Variants in MGAT5 observed in about 807,000 individuals in gnomAD.
MGAT5 encodes alpha-1,6-mannosylglycoprotein 6-beta-N-acetylglucosaminyltransferase.
MGAT5 carries 30 observed loss-of-function variants against 94.3 expected under a neutral mutation model. That is an observed-to-expected ratio of 0.32 (90% CI 0.24 to 0.43). The LOEUF is 0.43. Ranked by LOEUF, MGAT5 falls within the 20% of genes least tolerant of loss-of-function variation. MGAT5 has a pLI of 1.00. For synonymous variants in MGAT5, 310 were observed against 322.9 expected, an observed-to-expected ratio of 0.96 and a Z score of 0.43; for missense variants, 691 against 905.5, an observed-to-expected ratio of 0.76 and a Z score of 3.04.
intron 1 of MGAT5, among the ~76,000 whole-genome samples, chr2:134,148,090 A>G (rs1220469472): frequency 6.6e-6 from 1 of 152,242 alleles, no homozygotes; most frequent in Admixed American, 6.5e-5. Context: ...AAATATTGTG[A>G]TAACTAAATC....
At chr2:134,308,110 A>G (rs1686437814) in intron 2 of MGAT5, among the ~76,000 whole-genome samples, 2 of 152,196 alleles carry the variant, frequency 1.3e-5, no homozygotes, top group Admixed American at 6.5e-5. Context: ...GTGAGGCTCA[A>G]TCGAGTAATC....
intron 1 of MGAT5, among the ~76,000 whole-genome samples, chr2:134,200,016 G>C (rs1679702020): frequency 6.6e-6 from 1 of 152,120 alleles, no homozygotes; most frequent in African/African-American, 2.4e-5. Context: ...GTAAACACCT[G>C]AGAATTTTTC....
intron 1 of MGAT5, among the ~76,000 whole-genome samples, chr2:134,262,971 C>G (rs1683433427): frequency 6.6e-6 from 1 of 152,212 alleles, no homozygotes; most frequent in Non-Finnish European, 1.5e-5. Flanking sequence ...TCAAAAGATA[C>G]AGTTTTCTTC....
rs140738149 is a variant in MGAT5 at position 134,428,960 on chromosome 2, A to G, written c.1869+521A>G. ...GGTGCCAAGAGTTCCACCTTCCCCAACAAGGTTTGGAAACTGCAGCATGTG... is the reference window on the plus strand; with the variant it reads ...GGTGCCAAGAGTTCCACCTTCCCCAGCAAGGTTTGGAAACTGCAGCATGTG... On this transcript the variant is annotated intron_variant, in intron 14 of 15. Transcript: ENST00000281923. Among the ~76,000 whole-genome samples, 316 of 152,250 alleles carry G rather than the reference A, an allele frequency of 2.1e-3. 2 individuals are homozygous for G. The Middle Eastern group carries it at 0.027, about 13-fold the overall frequency.
intron 1 of MGAT5, among the ~76,000 whole-genome samples, chr2:134,204,811 G>A (rs1679953830): frequency 6.6e-6 from 1 of 152,166 alleles, no homozygotes; most frequent in African/African-American, 2.4e-5. Context: ...TGAGCATATA[G>A]TTTGCTGGAG....
intron 12 of MGAT5, among the ~76,000 whole-genome samples, chr2:134,419,442 T>TGTGTGTGTGTG (rs778375692): frequency 1.5e-5 from 2 of 134,136 alleles, no homozygotes; most frequent in African/African-American, 2.8e-5. Flanking sequence ...GCTTCAGGGT[T>TGTGTGTGTGTG]TGTGTGTGTG....
chr2:134,297,016 C>G (rs1404618610), intron 2 of MGAT5, among the ~76,000 whole-genome samples: 1 of 151,676 alleles, frequency 6.6e-6, no homozygotes, highest in Non-Finnish European at 1.5e-5. Flanking sequence ...CTGGGCAACA[C>G]AGTGAGACCC....
rs866260745 is a variant in MGAT5, at chr2:134,209,141, A to T, written c.-142-45121A>T. On this transcript the variant is annotated intron_variant, in intron 1 of 16. Coordinates refer to the MGAT5 transcript ENST00000409645. ...GAGGGATTGTATATAGAACTGGCTT[A>T]TTTTTTTTTTATTTTTTTTTTTTTT... Among the ~76,000 whole-genome samples the T allele has an allele frequency of 0.015, 248 of 16,004 alleles. 18 individuals are homozygous for T. The East Asian group carries it at 0.35, about 22-fold the overall frequency. The allele number at this position is 16,004 out of a possible 152,430, so 10.5% of individuals were successfully genotyped here.
At chr2:134,431,408 T>C (rs983719991) in intron 14 of MGAT5, among the ~76,000 whole-genome samples, 1 of 152,178 alleles carries the variant, frequency 6.6e-6, no homozygotes, top group Non-Finnish European at 1.5e-5. Flanking sequence ...GAGATTCTAT[T>C]GAACCCAGAA....
Position 134,275,677 on chromosome 2 carries a change from A to G in MGAT5, c.406+5127A>G, listed in dbSNP as rs926185737. Among the ~76,000 whole-genome samples, 11 of 138,234 alleles carry G rather than the reference A, an allele frequency of 8.0e-5. No individual in the cohort carries two copies. In the Admixed American group the frequency reaches 9.1e-4, roughly 11 times the overall value. 90.7% of individuals were successfully genotyped at this position (138,234 alleles called of 152,430 possible). A position where few individuals can be genotyped will look rare whatever the true frequency, so the allele number is the denominator to read the frequency against. ...CAGCTCTTTGCAGCCTCGACCTTCC[A>G]TGTCCCCACCCCCTGCCGCCTCAGC... On this transcript the variant is annotated intron_variant, in intron 2 of 15. Coordinates refer to ENST00000281923, the MANE Select transcript of MGAT5 (RefSeq NM_002410.5).
At chr2:134,325,009 T>TA (rs1269899689) in intron 4 of MGAT5, among the ~76,000 whole-genome samples, 92 of 59,120 alleles carry the variant, frequency 1.6e-3, no homozygotes, top group South Asian at 4.4e-3. Context: ...GTAAAAGAAT[T>TA]TAAAAAAAAA....
chr2:134,146,841 A>T (rs1337886939), intron 1 of MGAT5, among the ~76,000 whole-genome samples: 2 of 152,066 alleles, frequency 1.3e-5, no homozygotes, highest in East Asian at 1.9e-4. Context: ...TCTGCATTTC[A>T]TTGGAGTGTT....
rs374581735 is a variant in MGAT5 at position 134,348,155 on chromosome 2, G to GTT, written c.1113-1649_1113-1648insTT. Among the ~76,000 whole-genome samples the GTT allele has an allele frequency of 4.2e-3, 644 of 152,310 alleles. 3 individuals carry two copies. The highest frequency in any genetic ancestry group is 0.015 in the African/African-American group (623 of 41,570). On this transcript the variant is annotated intron_variant, in intron 8 of 15. Transcript: ENST00000281923. Reference sequence around the variant, plus strand: ...AGAAATGGGTATGTTTTATTAAGAAGTGGAAAGGGATGCTCTGAGCTATTC... The same window carrying GTT: ...AGAAATGGGTATGTTTTATTAAGAAGTTTGGAAAGGGATGCTCTGAGCTATTC...
chr2:134,364,826 C>T (rs985329015), intron 10 of MGAT5, among the ~76,000 whole-genome samples: 20 of 152,222 alleles, frequency 1.3e-4, no homozygotes, highest in African/African-American at 3.9e-4. Context: ...CTCTAGAACA[C>T]GGCACAGTAT....
chr2:134,147,323 G>A (rs530012939), intron 1 of MGAT5, among the ~76,000 whole-genome samples: 1 of 152,298 alleles, frequency 6.6e-6, no homozygotes, highest in East Asian at 1.9e-4. Context: ...CATGTTCACG[G>A]TCTATGCAGG....
chr2:134,412,556 G>A (rs1018566995), intron 11 of MGAT5, among the ~76,000 whole-genome samples: 2 of 151,882 alleles, frequency 1.3e-5, no homozygotes, highest in Non-Finnish European at 2.9e-5. Flanking sequence ...TGGTGGTGGT[G>A]GTTGTTTTTC....
At chr2:134,391,639 C>T (rs1317775625) in intron 10 of MGAT5, among the ~76,000 whole-genome samples, 1 of 152,200 alleles carries the variant, frequency 6.6e-6, no homozygotes, top group East Asian at 1.9e-4. Context: ...TTACTTCCCA[C>T]AGGCCTCACC....
intron 14 of MGAT5, among the ~76,000 whole-genome samples, chr2:134,435,211 C>A (rs945489820): frequency 6.6e-6 from 1 of 152,166 alleles, no homozygotes; most frequent in Non-Finnish European, 1.5e-5. Context: ...CCCCAAAGAT[C>A]TGACTCCCAG....
intron 1 of MGAT5, among the ~76,000 whole-genome samples, chr2:134,225,124 A>G (rs892021658): frequency 5.3e-5 from 8 of 150,716 alleles, no homozygotes; most frequent in South Asian, 2.1e-4. Flanking sequence ...TCGGGGGGGA[A>G]TTTCCAATCT....
Sources: gnomAD v4.1 joint callset for allele counts (sites outside exome capture counted in the v4.1 genomes callset) on GRCh38, gnomAD v4.1.1 for gene constraint, MANE v1.5 for transcripts, NCBI Gene and HGNC (gene_info 2026-07-23, HGNC 2026-07-21) for gene names.